The following ANTXRL variants were observed in gnomAD, a reference collection of about 807,000 sequenced individuals.
The protein encoded by ANTXRL is ANTXR like.
In ANTXRL, 63 loss-of-function variants were observed where a neutral mutation model predicts 75.4. That is an observed-to-expected ratio of 0.84 (90% CI 0.68 to 1.03). ANTXRL has a LOEUF of 1.03. Ranked by LOEUF, ANTXRL falls within the 50% of genes least tolerant of loss-of-function variation. The pLI is 0.00. For missense variants in ANTXRL, 797 were observed against 789.4 expected (o/e 1.01, Z -0.12); for synonymous variants, 335 against 291.3 (o/e 1.15, Z -1.53).
At chr10:46,309,000 C>T in intron 12 of ANTXRL, 113 bp from the exon 13 acceptor site, 1 of 1,436,200 alleles carries the variant, frequency 7.0e-7, no homozygotes, top group Non-Finnish European at 9.4e-7. Context: ...CACTGTAGTA[C>T]CCGGATGCGG....
intron 16 of ANTXRL, among the ~76,000 whole-genome samples, chr10:46,326,987 CT>C (rs1554966646): frequency 6.6e-6 from 1 of 152,000 alleles, no homozygotes; most frequent in African/African-American, 2.4e-5. Context: ...GACAGGCTGT[CT>C]GGAGAAAGAG....
At chr10:46,295,292 T>A (rs1323487333) in intron 3 of ANTXRL, among the ~76,000 whole-genome samples, 1 of 152,138 alleles carries the variant, frequency 6.6e-6, no homozygotes, top group Admixed American at 6.5e-5. Context: ...CAGGATGACT[T>A]TTCCCAAATG....
chr10:46,309,673 G>A (rs191602386), intron 13 of ANTXRL, among the ~76,000 whole-genome samples: 3 of 151,980 alleles, frequency 2.0e-5, no homozygotes, highest in Admixed American at 6.5e-5. Flanking sequence ...TGTGGATCTC[G>A]GCACATGTCT....
chr10:46,309,875 C>G (rs1838320299), intron 13 of ANTXRL, among the ~76,000 whole-genome samples: 1 of 152,104 alleles, frequency 6.6e-6, no homozygotes, highest in East Asian at 1.9e-4. Flanking sequence ...CGGAGCAGGA[C>G]CCAAAAGCAG....
intron 12 of ANTXRL, 61 bp from the exon 13 acceptor site, chr10:46,309,052 A>C: frequency 6.5e-7 from 1 of 1,534,050 alleles, no homozygotes; most frequent in Non-Finnish European, 8.7e-7. Context: ...TGGGCCACCA[A>C]GTGGTGGGCA....
At chr10:46,319,343 G>A (rs1838875796) in intron 16 of ANTXRL, among the ~76,000 whole-genome samples, 1 of 152,068 alleles carries the variant, frequency 6.6e-6, no homozygotes, top group African/African-American at 2.4e-5. Context: ...ACTTTTGTAT[G>A]CTCTTGCTGA....
chr10:46,301,861 C>T (rs1433624726), intron 9 of ANTXRL, among the ~76,000 whole-genome samples: 2 of 152,204 alleles, frequency 1.3e-5, no homozygotes, highest in African/African-American at 4.8e-5. Flanking sequence ...GATTGGAATG[C>T]GTGGGGCCTG....
intron 10 of ANTXRL, among the ~76,000 whole-genome samples, chr10:46,305,598 A>G (rs1554961673): frequency 6.6e-6 from 1 of 152,154 alleles, no homozygotes; most frequent in African/African-American, 2.4e-5. Flanking sequence ...CAGTGGGTAG[A>G]GAGCTGGAGC....
chr10:46,287,573 A>G, intron 1 of ANTXRL, 63 bp downstream of exon 1: 2 of 1,492,498 alleles, frequency 1.3e-6, no homozygotes, highest in South Asian at 1.3e-5. Flanking sequence ...CTTTTTCACT[A>G]GGGACAGGAC....
In ANTXRL at chr10:46,302,761, A is replaced by T. The variant is rs1565029132; in HGVS notation, c.836A>T (p.Asn279Ile). 1.3e-6 allele frequency: 2 copies of T among 1,536,274 alleles called. No individual in the cohort carries two copies. The highest frequency in any genetic ancestry group is 2.7e-5 in the African/African-American group (2 of 72,998). ...GTTATTCATGGAAATGGCTTTCAGA[A>T]TCTAAAGAAACGGGATGAAGTTATT... Reference protein sequence around the residue: ...HVVIHGNGFQNLKKRDEVICR... With the variant: ...HVVIHGNGFQILKKRDEVICR... The change falls in exon 10 of 17, where the codon AAT becomes ATT. Residue 279 changes from asparagine to isoleucine, a missense_variant. By Grantham distance (149) the Asn-to-Ile change is moderately radical. Transcript: ENST00000620264.
intron 9 of ANTXRL, among the ~76,000 whole-genome samples, chr10:46,299,279 G>A (rs1219121638): frequency 2.0e-5 from 3 of 152,130 alleles, no homozygotes; most frequent in Admixed American, 6.5e-5. Context: ...TCCATAGCCC[G>A]ACAAAGTCGT....
chr10:46,293,368 G>C (rs1283521491), intron 2 of ANTXRL, among the ~76,000 whole-genome samples: 1 of 147,762 alleles, frequency 6.8e-6, no homozygotes, highest in Non-Finnish European at 1.5e-5. Context: ...GCATGTGAGT[G>C]TGCCTGTGTG....
intron 1 of ANTXRL, among the ~76,000 whole-genome samples, chr10:46,289,404 T>G (rs1251324108): frequency 3.9e-5 from 6 of 152,152 alleles, no homozygotes; most frequent in African/African-American, 1.4e-4. Flanking sequence ...CCACCATCCA[T>G]CTCCAGAAAT....
chr10:46,323,493 G>C (rs1475890628), intron 16 of ANTXRL, among the ~76,000 whole-genome samples: 2 of 152,146 alleles, frequency 1.3e-5, no homozygotes, highest in Non-Finnish European at 2.9e-5. Context: ...TAGATGGCTT[G>C]CTGAAAAATG....
chr10:46,291,772 C>T (rs751688991), intron 1 of ANTXRL, among the ~76,000 whole-genome samples: 29 of 152,146 alleles, frequency 1.9e-4, no homozygotes, highest in Non-Finnish European at 3.1e-4. Flanking sequence ...ACACAGTGCC[C>T]CACCTAACCT....
intron 2 of ANTXRL, 101 bp downstream of exon 2, chr10:46,292,230 T>A (rs782305401): frequency 1.8e-6 from 2 of 1,101,866 alleles, no homozygotes; most frequent in Non-Finnish European, 2.6e-6. Context: ...GGCGTGGGAG[T>A]CCTTCAGTGG....
chr10:46,299,749 A>C (rs1362402882), intron 9 of ANTXRL, among the ~76,000 whole-genome samples: 1 of 152,190 alleles, frequency 6.6e-6, no homozygotes, highest in East Asian at 1.9e-4. Context: ...TCCCATGAAC[A>C]GAAAAGACGC....
At chr10:46,316,673 T>G (rs1554964723) in intron 16 of ANTXRL, among the ~76,000 whole-genome samples, 2 of 152,152 alleles carry the variant, frequency 1.3e-5, no homozygotes, top group East Asian at 3.8e-4. Context: ...CAGAGTGATC[T>G]ATGGAACACC....
intron 5 of ANTXRL, among the ~76,000 whole-genome samples, chr10:46,296,454 T>C (rs1273402581): frequency 1.3e-5 from 2 of 152,168 alleles, no homozygotes; most frequent in African/African-American, 4.8e-5. Context: ...GAGAACTGTG[T>C]GGGATCCTGC....
Sources: allele counts gnomAD v4.1 joint callset (sites outside exome capture counted in the v4.1 genomes callset), GRCh38; gene constraint gnomAD v4.1.1; transcripts MANE v1.5; gene names NCBI Gene and HGNC (gene_info 2026-07-23, HGNC 2026-07-21).